Variants in RALYL observed in about 807,000 individuals in gnomAD.
RALYL encodes RNA-binding Raly-like protein.
RALYL carries 29 observed loss-of-function variants against 35.1 expected under a neutral mutation model. The observed-to-expected ratio is 0.83, with a 90% CI of 0.61 to 1.13. The LOEUF (loss-of-function observed/expected upper bound fraction) is 1.13. Ranked by LOEUF, RALYL falls within the 50% of genes most tolerant of loss-of-function variation. RALYL has a pLI of 0.00. For missense variants in RALYL, 359 were observed against 360.4 expected (o/e 1.00, Z 0.03); for synonymous variants, 120 against 127.6 (o/e 0.94, Z 0.40).
At chr8:84,217,424 T>C (rs35196647) in intron 1 of RALYL, among the ~76,000 whole-genome samples, 40,050 of 151,980 alleles carry the variant, frequency 0.26, 5,498 homozygotes, top group African/African-American at 0.32. Context: ...ATTTGAACTA[T>C]ATTATTTTTC....
intron 1 of RALYL, among the ~76,000 whole-genome samples, chr8:84,485,604 T>C (rs1343135472): frequency 2.6e-5 from 4 of 151,902 alleles, no homozygotes; most frequent in African/African-American, 9.7e-5. Context: ...AAACAAAAAC[T>C]ACTAGTATCT....
intron 2 of RALYL, among the ~76,000 whole-genome samples, chr8:84,765,792 G>T (rs1813788442): frequency 1.3e-5 from 2 of 151,274 alleles, no homozygotes; most frequent in East Asian, 1.9e-4. Context: ...CTGGCAGTCT[G>T]CATGCCATGA....
intron 2 of RALYL, among the ~76,000 whole-genome samples, chr8:84,645,644 G>T (rs1367129471): frequency 6.6e-6 from 1 of 152,024 alleles, no homozygotes; most frequent in Non-Finnish European, 1.5e-5. Flanking sequence ...GTAAAAATAT[G>T]AAATACCCCC....
chr8:84,591,811 A>G (rs1813360974), intron 2 of RALYL, among the ~76,000 whole-genome samples: 1 of 152,182 alleles, frequency 6.6e-6, no homozygotes, highest in Non-Finnish European at 1.5e-5. Flanking sequence ...AATGAAATTC[A>G]CAGATCCAGT....
At chr8:84,189,477 G>A (rs183187997) in intron 1 of RALYL, among the ~76,000 whole-genome samples, 201 of 152,206 alleles carry the variant, frequency 1.3e-3, no homozygotes, top group African/African-American at 4.4e-3. Context: ...AGTAAGGAAC[G>A]GCTATTTTTT....
intron 1 of RALYL, among the ~76,000 whole-genome samples, chr8:84,409,884 C>G (rs903343658): frequency 6.6e-6 from 1 of 151,860 alleles, no homozygotes; most frequent in Non-Finnish European, 1.5e-5. Context: ...ATCCAGAAAA[C>G]TCTTTTATAT....
intron 2 of RALYL, among the ~76,000 whole-genome samples, chr8:84,713,472 T>C (rs964519251): frequency 6.6e-6 from 1 of 151,806 alleles, no homozygotes; most frequent in African/African-American, 2.4e-5. Flanking sequence ...AAGTTCAAAA[T>C]CACTAATCAT....
intron 1 of RALYL, among the ~76,000 whole-genome samples, chr8:84,521,904 T>C (rs1042055099): frequency 4.6e-5 from 7 of 152,192 alleles, no homozygotes; most frequent in African/African-American, 1.7e-4. Flanking sequence ...TAGTACCTAA[T>C]TGTTCTATTC....
chr8:84,300,564 G>T (rs1840579937), intron 1 of RALYL, among the ~76,000 whole-genome samples: 3 of 151,716 alleles, frequency 2.0e-5, no homozygotes, highest in African/African-American at 4.8e-5. Flanking sequence ...ATTATTGTGG[G>T]GTTATCTATG....
At chr8:84,483,135 C>A (rs371840511) in intron 1 of RALYL, among the ~76,000 whole-genome samples, 8 of 152,126 alleles carry the variant, frequency 5.3e-5, no homozygotes, top group African/African-American at 1.9e-4. Flanking sequence ...TGAGAGCTAG[C>A]ATTTAAAATA....
chr8:84,620,824 C>T (rs1345662249), intron 2 of RALYL, among the ~76,000 whole-genome samples: 1 of 152,150 alleles, frequency 6.6e-6, no homozygotes, highest in Non-Finnish European at 1.5e-5. Flanking sequence ...ACAGGACCCT[C>T]AGCTGCAGGT....
intron 1 of RALYL, among the ~76,000 whole-genome samples, chr8:84,386,849 C>G (rs1449387239): frequency 6.6e-6 from 1 of 151,870 alleles, no homozygotes; most frequent in Non-Finnish European, 1.5e-5. Flanking sequence ...CACGGAGAGC[C>G]CTTCCTCTGA....
chr8:84,773,880 C>T (rs28619917), intron 2 of RALYL, among the ~76,000 whole-genome samples: 5,189 of 152,166 alleles, frequency 0.034, 286 homozygotes, highest in African/African-American at 0.12. Context: ...AAATTCTTAG[C>T]GAAAAATGAA....
chr8:84,192,739 G>C (rs560072371), intron 1 of RALYL, among the ~76,000 whole-genome samples: 17 of 151,940 alleles, frequency 1.1e-4, no homozygotes, highest in Non-Finnish European at 2.1e-4. Flanking sequence ...TGTATATTTA[G>C]TAGAGACAGA....
At chr8:84,730,544 G>T (rs1845959498) in intron 2 of RALYL, among the ~76,000 whole-genome samples, 2 of 152,090 alleles carry the variant, frequency 1.3e-5, no homozygotes, top group African/African-American at 4.8e-5. Flanking sequence ...GGACAATTAG[G>T]CAGGAGAAGG....
chr8:84,717,974 C>G (rs966718172), intron 2 of RALYL, among the ~76,000 whole-genome samples: 1 of 152,012 alleles, frequency 6.6e-6, no homozygotes, highest in African/African-American at 2.4e-5. Flanking sequence ...TTTTATGAAG[C>G]TATTTATGGC....
intron 2 of RALYL, among the ~76,000 whole-genome samples, chr8:84,559,065 C>T (rs1309781760): frequency 6.6e-6 from 1 of 152,036 alleles, no homozygotes; most frequent in Non-Finnish European, 1.5e-5. Context: ...CCCAAAATAG[C>T]ACTTTCTGTT....
chr8:84,508,395 A>G (rs1285769164), intron 1 of RALYL, among the ~76,000 whole-genome samples: 1 of 152,126 alleles, frequency 6.6e-6, no homozygotes, highest in African/African-American at 2.4e-5. Context: ...TGGATGATCA[A>G]TATCTCCAAA....
intron 1 of RALYL, among the ~76,000 whole-genome samples, chr8:84,466,819 C>A (rs1223154750): frequency 1.6e-3 from 235 of 151,558 alleles, no homozygotes; most frequent in African/African-American, 5.4e-3. Context: ...ACAATTTCAG[C>A]TCCTGTTATT....
Sources: allele counts gnomAD v4.1 joint callset (sites outside exome capture counted in the v4.1 genomes callset), GRCh38; gene constraint gnomAD v4.1.1; transcripts MANE v1.5; gene names NCBI Gene and HGNC (gene_info 2026-07-23, HGNC 2026-07-21).